RERE: variants seen among roughly 807,000 people sequenced by gnomAD.
RERE encodes arginine-glutamic acid dipeptide repeats, also known as arginine-glutamic acid dipeptide repeats protein.
In RERE, 40 loss-of-function variants were observed where a neutral mutation model predicts 146.1. That is an observed-to-expected ratio of 0.27 (90% CI 0.21 to 0.36). The LOEUF is 0.36. Ranked by LOEUF, RERE falls within the 10% of genes least tolerant of loss-of-function variation. The pLI, the probability that RERE is intolerant of heterozygous loss-of-function variation, is 1.00. For synonymous variants in RERE, 1,003 were observed against 866.0 expected (o/e 1.16, Z -2.78); for missense variants, 1,933 against 2,138.7 (o/e 0.90, Z 1.90).
intron 1 of RERE, among the ~76,000 whole-genome samples, chr1:8,764,862 T>C (rs1231958317): frequency 6.6e-6 from 1 of 152,212 alleles, no homozygotes; most frequent in African/African-American, 2.4e-5. Context: ...TTAGTGCTAA[T>C]GTGGAAAAAC....
chr1:8,749,039 A>G (rs1393549674), intron 1 of RERE, among the ~76,000 whole-genome samples: 1 of 152,220 alleles, frequency 6.6e-6, no homozygotes, highest in African/African-American at 2.4e-5. Context: ...TTGCTTTACA[A>G]GCATTTAATT....
In RERE at chr1:8,413,068, A is replaced by T. The variant is rs527925697; in HGVS notation, c.1284+9659T>A. Reference sequence around the variant, plus strand: ...TTTTCACGTCTTAGGACCATTAATTATCTACCCATGATTACAATGTATTTC... The same window carrying T: ...TTTTCACGTCTTAGGACCATTAATTTTCTACCCATGATTACAATGTATTTC... On this transcript the variant is annotated intron_variant, in intron 12 of 22. Coordinates refer to ENST00000400908, the MANE Select transcript of RERE (RefSeq NM_001042681.2). Among the ~76,000 whole-genome samples, 118 of 152,332 alleles carry T rather than the reference A, an allele frequency of 7.7e-4. 1 individual carries two copies. Among genetic ancestry groups the T allele is most frequent in the African/African-American group, 2.7e-3 (113 of 41,572 alleles).
Position 8,620,317 on chromosome 1 carries a change from C to G in RERE, c.396+3993G>C, listed in dbSNP as rs1029582644. Among the ~76,000 whole-genome samples, 46 of 152,296 alleles carry G rather than the reference C, an allele frequency of 3.0e-4. 1 individual carries two copies. Among genetic ancestry groups the G allele is most frequent in the African/African-American group, 1.0e-3 (42 of 41,560 alleles). On this transcript the variant is annotated intron_variant, in intron 3 of 22. Transcript: ENST00000400908. ...GGACCCAGGAGAGTCAAGGAAGAGA[C>G]GGCTGTGCACACACTTCCCTTGGCA...
chr1:8,657,522 A>C (rs1408958167), intron 1 of RERE, among the ~76,000 whole-genome samples: 2 of 152,072 alleles, frequency 1.3e-5, no homozygotes, highest in African/African-American at 2.4e-5. Flanking sequence ...TACCATTTTC[A>C]GTTATGTTCC....
intron 3 of RERE, among the ~76,000 whole-genome samples, chr1:8,616,047 A>C (rs1015124758): frequency 2.6e-5 from 4 of 152,178 alleles, no homozygotes; most frequent in Non-Finnish European, 5.9e-5. Flanking sequence ...CTCCAAATTA[A>C]AGATTCAATT....
intron 4 of RERE, among the ~76,000 whole-genome samples, chr1:8,582,851 T>C (rs924857806): frequency 3.3e-5 from 5 of 152,102 alleles, no homozygotes; most frequent in African/African-American, 1.2e-4. Flanking sequence ...ACAGGCCAAT[T>C]AGGGTACTGA....
intron 1 of RERE, among the ~76,000 whole-genome samples, chr1:8,794,164 G>C (rs962778354): frequency 6.0e-5 from 9 of 150,802 alleles, no homozygotes; most frequent in African/African-American, 9.8e-5. Context: ...TTGGGAGGCC[G>C]AGGTGGGCAG....
intron 1 of RERE, among the ~76,000 whole-genome samples, chr1:8,736,144 TCTCA>T (rs1248243313): frequency 1.3e-5 from 2 of 152,102 alleles, no homozygotes; most frequent in Non-Finnish European, 1.5e-5. Context: ...GCAGGGGTGC[TCTCA>T]CTATCATAAT....
chr1:8,815,049 G>T (rs372893806), intron 1 of RERE, among the ~76,000 whole-genome samples: 5 of 152,072 alleles, frequency 3.3e-5, no homozygotes, highest in African/African-American at 7.2e-5. Context: ...CATCCTCTTC[G>T]TCTGGATCTT....
At chr1:8,785,350 C>T (rs1016084884) in intron 1 of RERE, among the ~76,000 whole-genome samples, 1 of 152,210 alleles carries the variant, frequency 6.6e-6, no homozygotes, top group Admixed American at 6.5e-5. Context: ...AATACAATCA[C>T]ACCAAACACC....
chr1:8,611,526 A>C (rs1316374885), intron 4 of RERE, among the ~76,000 whole-genome samples: 10 of 152,178 alleles, frequency 6.6e-5, no homozygotes, highest in African/African-American at 1.7e-4. Context: ...ACAACAACAA[A>C]AAAACACTAC....
intron 4 of RERE, among the ~76,000 whole-genome samples, chr1:8,594,834 G>A (rs1226120072): frequency 9.9e-5 from 15 of 152,070 alleles, no homozygotes; most frequent in Admixed American, 9.2e-4. Flanking sequence ...TCACTTCCAG[G>A]AGGCCCTGAT....
chr1:8,749,110 C>A (rs1640479832), intron 1 of RERE, among the ~76,000 whole-genome samples: 1 of 151,994 alleles, frequency 6.6e-6, no homozygotes, highest in Non-Finnish European at 1.5e-5. Flanking sequence ...ATTATTATCA[C>A]AATTTTTGGA....
chr1:8,563,182 T>C (rs1646098888), intron 4 of RERE, among the ~76,000 whole-genome samples: 1 of 152,232 alleles, frequency 6.6e-6, no homozygotes, highest in African/African-American at 2.4e-5. Flanking sequence ...TAGAGATCTT[T>C]CATGATTATT....
At chr1:8,777,640 T>C (rs2124556123) in intron 1 of RERE, among the ~76,000 whole-genome samples, 1 of 151,354 alleles carries the variant, frequency 6.6e-6, no homozygotes, top group Admixed American at 6.6e-5. Context: ...GTTCACACCA[T>C]TCTCCTGCCT....
intron 4 of RERE, among the ~76,000 whole-genome samples, chr1:8,608,041 T>G (rs1394176646): frequency 6.6e-6 from 1 of 151,780 alleles, no homozygotes; most frequent in Admixed American, 6.6e-5. Flanking sequence ...TTTTTGTTTT[T>G]GTTTTTTTTA....
At chr1:8,642,474 G>T (rs979809182) in intron 2 of RERE, among the ~76,000 whole-genome samples, 1 of 152,154 alleles carries the variant, frequency 6.6e-6, no homozygotes, top group Non-Finnish European at 1.5e-5. Flanking sequence ...TGTTTCACTT[G>T]TAAGTCTAAT....
At chr1:8,557,373 C>A (rs1557685618) in intron 5 of RERE, 45 bp downstream of exon 5, 1 of 1,295,990 alleles carries the variant, frequency 7.7e-7, no homozygotes, top group Non-Finnish European at 1.1e-6. Flanking sequence ...AGAACTTTGC[C>A]CAAAGCTAAG....
intron 6 of RERE, among the ~76,000 whole-genome samples, chr1:8,545,830 C>A (rs1363576675): frequency 6.6e-6 from 1 of 150,392 alleles, no homozygotes; most frequent in East Asian, 1.9e-4. Flanking sequence ...ATTACAGACG[C>A]GTGCCACCAC....
Sources: allele counts gnomAD v4.1 joint callset (sites outside exome capture counted in the v4.1 genomes callset), GRCh38; gene constraint gnomAD v4.1.1; transcripts MANE v1.5; gene names NCBI Gene and HGNC (gene_info 2026-07-23, HGNC 2026-07-21).